GNB4: variants seen among roughly 807,000 people sequenced by gnomAD.
GNB4 encodes G protein subunit beta 4, also known as guanine nucleotide-binding protein subunit beta-4.
A neutral mutation model predicts 45.2 loss-of-function variants in GNB4; 28 were observed. The ratio of observed to expected loss-of-function variants is 0.62; its 90% confidence interval spans 0.46 to 0.85. GNB4 has a LOEUF of 0.85. GNB4 is among the 40% of genes least tolerant of loss of function. The pLI is 0.00. For missense variants in GNB4, 321 were observed against 425.4 expected, an observed-to-expected ratio of 0.75 and a Z score of 2.16; for synonymous variants, 132 against 143.7, an observed-to-expected ratio of 0.92 and a Z score of 0.58.
At chr3:179,455,497 C>T (rs1158654497), upstream of GNB4, among the ~76,000 whole-genome samples, 2 of 152,150 alleles carry the variant, frequency 1.3e-5, no homozygotes, top group Admixed American at 1.3e-4. Context: ...GACAAATAGA[C>T]AACACTGGTG....
the GNB4 span, among the ~76,000 whole-genome samples, chr3:179,521,553 A>G: frequency 3.9e-5 from 6 of 152,120 alleles, no homozygotes; most frequent in Non-Finnish European, 4.4e-5. Flanking sequence ...CCTATTCACC[A>G]TTCTCAACTA....
In GNB4 at chr3:179,399,609, T is replaced by G. The variant is rs927242483; in HGVS notation, c.*1604A>C. ...CTTAATTTGCCTTTATCCACTTTAT[T>G]ATTCTAATTGTCAACTGATTTTAAT... is the stretch of plus-strand genomic sequence containing the variant. On this transcript the variant is annotated 3_prime_UTR_variant, in exon 10 of 10. Transcript: ENST00000232564. The G allele has an allele frequency of 1.3e-5, 2 of 152,238 alleles. No individual in the cohort carries two copies. Among genetic ancestry groups the G allele is most frequent in the Non-Finnish European group, 2.9e-5 (2 of 68,044 alleles). 9.4% of individuals were successfully genotyped at this position (152,238 alleles called of 1,614,324 possible).
At chr3:179,490,930 T>C in the GNB4 span, among the ~76,000 whole-genome samples, 2 of 152,200 alleles carry the variant, frequency 1.3e-5, no homozygotes. Context: ...CCTTATGATA[T>C]TCAAAATGTC....
the GNB4 span, among the ~76,000 whole-genome samples, chr3:179,486,220 C>CAA: frequency 0.11 from 12,980 of 123,356 alleles, 931 homozygotes; most frequent in Admixed American, 0.17. Context: ...GACTCTGTCT[C>CAA]AAAAAAAAAA....
the GNB4 span, among the ~76,000 whole-genome samples, chr3:179,498,142 A>G: frequency 1.3e-5 from 2 of 152,194 alleles, no homozygotes; most frequent in South Asian, 4.2e-4. Context: ...TAAACAACCT[A>G]AGTATTGGCT....
the GNB4 span, among the ~76,000 whole-genome samples, chr3:179,458,544 T>C: frequency 6.6e-6 from 1 of 152,196 alleles, no homozygotes; most frequent in Non-Finnish European, 1.5e-5. Flanking sequence ...TCTGTATCCT[T>C]GGCATATTGG....
chr3:179,515,897 G>A, the GNB4 span, among the ~76,000 whole-genome samples: 3 of 152,120 alleles, frequency 2.0e-5, no homozygotes, highest in African/African-American at 4.8e-5. Context: ...GATATTGTGG[G>A]GTTGTTAGAA....
At chr3:179,512,594 C>T in the GNB4 span, among the ~76,000 whole-genome samples, 1 of 152,186 alleles carries the variant, frequency 6.6e-6, no homozygotes, top group Non-Finnish European at 1.5e-5. Context: ...GCTTCTCTCC[C>T]AGAGGACAAC....
At chr3:179,518,600 T>A in the GNB4 span, among the ~76,000 whole-genome samples, 1 of 152,144 alleles carries the variant, frequency 6.6e-6, no homozygotes, top group African/African-American at 2.4e-5. Flanking sequence ...ACCTCCCCTC[T>A]TCACACTCGG....
chr3:179,402,107 A>G (rs1714321468), intron 9 of GNB4, among the ~76,000 whole-genome samples: 1 of 152,250 alleles, frequency 6.6e-6, no homozygotes, highest in Admixed American at 6.5e-5. Flanking sequence ...TATTCTCTAT[A>G]GTATCTCCAG....
the GNB4 span, among the ~76,000 whole-genome samples, chr3:179,475,897 A>G: frequency 6.6e-6 from 1 of 152,202 alleles, no homozygotes; most frequent in African/African-American, 2.4e-5. Context: ...CCACCTCTTA[A>G]TACTGTCACA....
the GNB4 span, among the ~76,000 whole-genome samples, chr3:179,523,893 G>A: frequency 6.6e-6 from 1 of 152,148 alleles, no homozygotes; most frequent in African/African-American, 2.4e-5. Flanking sequence ...TTTAGTTAAA[G>A]TGTCTCAACC....
chr3:179,490,925 T>C, the GNB4 span, among the ~76,000 whole-genome samples: 2 of 152,208 alleles, frequency 1.3e-5, no homozygotes, highest in African/African-American at 4.8e-5. Context: ...AAGAGCCTTA[T>C]GATATTCAAA....
At position 179,399,915 on chromosome 3, in the gene GNB4, C is replaced by T. The variant is rs1270074788; in HGVS notation, c.*1298G>A. The T allele has an allele frequency of 6.6e-6, 1 of 152,120 alleles. No individual in the cohort carries two copies. Among genetic ancestry groups the T allele is most frequent in the African/African-American group, 2.4e-5 (1 of 41,430 alleles). 9.4% of individuals were successfully genotyped at this position (152,120 alleles called of 1,614,324 possible). On this transcript the variant is annotated 3_prime_UTR_variant, in exon 10 of 10. Transcript: ENST00000232564. ...ACAGGAAAAGTATCTTTAACTTGGT[C>T]GTGGGGGACTTCTAGTAAGAGACAC...
At chr3:179,453,738 AG>A (rs1281909015), upstream of GNB4, among the ~76,000 whole-genome samples, 2 of 152,226 alleles carry the variant, frequency 1.3e-5, no homozygotes, top group Non-Finnish European at 2.9e-5. Flanking sequence ...AGAAATTACT[AG>A]AAGAATAAAG....
chr3:179,506,860 C>T, the GNB4 span, among the ~76,000 whole-genome samples: 1 of 152,174 alleles, frequency 6.6e-6, no homozygotes, highest in African/African-American at 2.4e-5. Context: ...CCTTATCTTA[C>T]AATCTGTTGC....
chr3:179,507,305 A>C, the GNB4 span, among the ~76,000 whole-genome samples: 1 of 152,248 alleles, frequency 6.6e-6, no homozygotes, highest in South Asian at 2.1e-4. Context: ...GATTCCGATG[A>C]TATTATCACA....
chr3:179,402,298 C>G (rs1714327228), intron 9 of GNB4, among the ~76,000 whole-genome samples: 1 of 152,122 alleles, frequency 6.6e-6, no homozygotes, highest in Admixed American at 6.5e-5. Flanking sequence ...AGCTTGTAGG[C>G]AAAGCAAAAC....
At chr3:179,431,970 GA>G (rs986602267) in intron 1 of GNB4, among the ~76,000 whole-genome samples, 11 of 151,994 alleles carry the variant, frequency 7.2e-5, no homozygotes, top group African/African-American at 2.4e-4. Context: ...CCCTTAAAAA[GA>G]AAAAGAAAAA....
Sources: allele counts gnomAD v4.1 joint callset (sites outside exome capture counted in the v4.1 genomes callset), GRCh38; gene constraint gnomAD v4.1.1; transcripts MANE v1.5; gene names NCBI Gene and HGNC (gene_info 2026-07-23, HGNC 2026-07-21).